The following ANKAR variants were observed in gnomAD, a reference collection of about 807,000 sequenced individuals.
ANKAR encodes the protein ankyrin and armadillo repeat-containing protein.
In ANKAR, 136 loss-of-function variants were observed where a neutral mutation model predicts 146.2. The observed-to-expected ratio is 0.93, with a 90% CI of 0.81 to 1.07. The LOEUF (loss-of-function observed/expected upper bound fraction) is 1.07. ANKAR is among the 50% of genes least tolerant of loss of function. ANKAR has a pLI of 0.00. For missense variants in ANKAR, 1,567 were observed against 1,679.9 expected (o/e 0.93, Z 1.18); for synonymous variants, 500 against 575.8 (o/e 0.87, Z 1.88).
At chr2:189,717,558 A>G (rs375052526) in intron 10 of ANKAR, among the ~76,000 whole-genome samples, 6 of 152,146 alleles carry the variant, frequency 3.9e-5, no homozygotes, top group Admixed American at 2.0e-4. Flanking sequence ...AACTAGAAAT[A>G]CCATTTGACC....
At chr2:189,755,307 T>C in intron 18 of ANKAR, 1 of 1,613,596 alleles carries the variant, frequency 6.2e-7, no homozygotes, top group African/African-American at 1.3e-5. Context: ...TCTACTTTAT[T>C]GGTCAACCTA....
chr2:189,675,205 G>T (rs1342583036), intron 1 of ANKAR, among the ~76,000 whole-genome samples: 2 of 139,598 alleles, frequency 1.4e-5, no homozygotes, highest in African/African-American at 2.7e-5. Context: ...GCTAAATTTT[G>T]AGAACCACTA....
In ANKAR at chr2:189,696,312, C is replaced by T; in HGVS notation, c.1651C>T (p.Gln551Ter). The T allele has an allele frequency of 6.2e-7, 1 of 1,614,056 alleles. No individual in the cohort carries two copies. The highest frequency in any genetic ancestry group is 8.5e-7 in the Non-Finnish European group (1 of 1,180,000). The change falls in exon 7 of 23, where the codon CAA (glutamine) becomes TAA (stop). Residue 551 changes from glutamine to a stop codon, truncating the protein, a stop_gained. Coordinates refer to ENST00000684021, the MANE Select transcript of ANKAR (RefSeq NM_001378068.1). LOFTEE classifies it high-confidence loss of function. ...GCACAACAGAGTTTCTATTATATGT[C>T]AACTGTGCAATGCTAACTTCAAGGT... ...ALHNRVSIIC[Q>*]LCNANFKVNQ... is the part of the protein sequence containing the mutation.
At position 189,728,777 on chromosome 2, in the gene ANKAR, G is replaced by C. The variant is rs186809545; in HGVS notation, c.3149G>C (p.Gly1050Ala). 1.2e-6 allele frequency: 2 copies of C among 1,613,986 alleles called. No individual in the cohort carries two copies. Among genetic ancestry groups the C allele is most frequent in the East Asian group, 2.2e-5 (1 of 44,880 alleles). The change falls in exon 15 of 23, where the codon GGC becomes GCC. Residue 1050 changes from glycine to alanine, a missense_variant. Gly to Ala is a moderately conservative substitution (Grantham distance 60, BLOSUM62 0). Coordinates refer to ENST00000684021, the MANE Select transcript of ANKAR (RefSeq NM_001378068.1). The stretch of plus-strand genomic sequence containing the variant: ...CTAAGAATTAGTACGATTGCTGAAG[G>C]CACACTTCTCAGTGTCATCAGAGCA... ...RLLRISTIAE[G>A]TLLSVIRAVG...
At chr2:189,718,308 A>ATATC (rs113038526) in intron 10 of ANKAR, among the ~76,000 whole-genome samples, 142,005 of 151,560 alleles carry the variant, frequency 0.94, 67,153 homozygotes, top group South Asian at 1. Flanking sequence ...ATATCTATCT[A>ATATC]TATATCTATC....
chr2:189,753,860 A>G, intron 18 of ANKAR: 10 of 1,577,036 alleles, frequency 6.3e-6, no homozygotes, highest in Non-Finnish European at 7.8e-6. Flanking sequence ...AGGTCTTGGG[A>G]AAAAAGTAAC....
At chr2:189,705,259 G>T in intron 8 of ANKAR, 35 bp downstream of exon 8, 2 of 1,571,938 alleles carry the variant, frequency 1.3e-6, no homozygotes, top group Non-Finnish European at 1.7e-6. Flanking sequence ...GGTTGAGGTT[G>T]ATGTCTAGGC....
intron 9 of ANKAR, among the ~76,000 whole-genome samples, chr2:189,708,103 A>AG (rs2039209904): frequency 6.6e-6 from 1 of 152,218 alleles, no homozygotes; most frequent in African/African-American, 2.4e-5. Context: ...GAAGACAGCA[A>AG]GGGGAAGTTC....
chr2:189,742,904 TGACA>T (rs1362863794), intron 20 of ANKAR, among the ~76,000 whole-genome samples: 15 of 10,540 alleles, frequency 1.4e-3, no homozygotes, highest in Non-Finnish European at 2.1e-3. Flanking sequence ...TAGAATTACC[TGACA>T]CACACACACA....
At chr2:189,745,623 T>G (rs1448604764) in intron 22 of ANKAR, among the ~76,000 whole-genome samples, 1 of 152,238 alleles carries the variant, frequency 6.6e-6, no homozygotes, top group African/African-American at 2.4e-5. Context: ...TAATTTCACA[T>G]ATCTGCTTAG....
At position 189,705,192 on chromosome 2, in the gene ANKAR, T is replaced by C. The variant is rs749865115; in HGVS notation, c.1878T>C (p.Asp626=). ...TCATTATTGCTCTCTGTAGGAAGGA[T>C]CCTAGTTTGCTAGAAGCTGAGGCAA... ...VCIIIALCRK[D]PSLLEAEATA... Residue 626 remains aspartate (D), a synonymous_variant, in exon 8 of 23, where the codon GAT becomes GAC. Coordinates refer to ENST00000684021, the MANE Select transcript of ANKAR (RefSeq NM_001378068.1). The C allele has an allele frequency of 1.2e-6, 2 of 1,614,134 alleles. No individual in the cohort carries two copies. Among genetic ancestry groups the C allele is most frequent in the Non-Finnish European group, 1.7e-6 (2 of 1,180,006 alleles).
chr2:189,743,513 C>T lies in ANKAR; in HGVS notation c.4010+39C>T, dbSNP rs745845606. The T allele has an allele frequency of 3.0e-5, 46 of 1,553,804 alleles. No homozygotes were observed. In the South Asian group the frequency reaches 4.9e-4, roughly 17 times the overall value. On this transcript the variant is annotated intron_variant, in intron 21 of 22. Coordinates refer to ENST00000684021, the MANE Select transcript of ANKAR (RefSeq NM_001378068.1). ...TTAGAAGTTGCAGTAGTGAAATCAT[C>T]GATAGAGGAGACTTTAATGAGGTTT...
intron 15 of ANKAR, among the ~76,000 whole-genome samples, chr2:189,729,154 T>C (rs1383492553): frequency 2.0e-5 from 3 of 152,222 alleles, no homozygotes; most frequent in Admixed American, 1.3e-4. Flanking sequence ...CGATATGTTT[T>C]TGAAGATATA....
At chr2:189,749,017 C>G (rs1216553221), downstream of ANKAR, among the ~76,000 whole-genome samples, 2 of 151,864 alleles carry the variant, frequency 1.3e-5, no homozygotes, top group Admixed American at 1.3e-4. Flanking sequence ...GAGGCCAAGG[C>G]GGGTGGATCA....
chr2:189,736,499 G>GTTTTTT (rs71938893), intron 17 of ANKAR, among the ~76,000 whole-genome samples: 70,976 of 113,336 alleles, frequency 0.63, 28,949 homozygotes, highest in Non-Finnish European at 0.8. Flanking sequence ...AGGTGACTGG[G>GTTTTTT]TTTTGTGTGT....
In ANKAR at chr2:189,711,158, T is replaced by C; in HGVS notation, c.2224+5T>C. On this transcript the variant is annotated splice_donor_5th_base_variant and intron_variant, in intron 10 of 22. Transcript: ENST00000684021. ...GGAGATGTATTTTGGATGCAGGTGA[T>C]GCAAACTCTATTAATAACTTTTTAT... is the stretch of plus-strand genomic sequence containing the variant. The C allele has an allele frequency of 6.3e-7, 1 of 1,599,416 alleles. No homozygotes were observed. Among genetic ancestry groups the C allele is most frequent in the Non-Finnish European group, 8.6e-7 (1 of 1,168,338 alleles).
At chr2:189,758,370 A>C (rs1288368830) in intron 18 of ANKAR, among the ~76,000 whole-genome samples, 8 of 151,872 alleles carry the variant, frequency 5.3e-5, no homozygotes, top group Non-Finnish European at 1.0e-4. Context: ...AACAAGAGCA[A>C]AACTCCATCT....
At chr2:189,758,399 G>A (rs1328284482) in intron 18 of ANKAR, among the ~76,000 whole-genome samples, 1 of 151,628 alleles carries the variant, frequency 6.6e-6, no homozygotes, top group African/African-American at 2.4e-5. Context: ...AAAAAAAAGT[G>A]TGTAGCACCT....
chr2:189,744,990 T>TCTACTACTACTACCACTACTACTACTA (rs1553536972), intron 22 of ANKAR, among the ~76,000 whole-genome samples: 1 of 112,422 alleles, frequency 8.9e-6, no homozygotes, highest in African/African-American at 4.1e-5. Context: ...AAACCCCATC[T>TCTACTACTACTACCACTACTACTACTA]CTACTACTAC....
Sources: gnomAD v4.1 joint callset for allele counts (sites outside exome capture counted in the v4.1 genomes callset) on GRCh38, gnomAD v4.1.1 for gene constraint, MANE v1.5 for transcripts, NCBI Gene and HGNC (gene_info 2026-07-23, HGNC 2026-07-21) for gene names.